Variants in GNB4 observed in about 807,000 individuals in gnomAD.
GNB4 encodes the protein guanine nucleotide-binding protein subunit beta-4.
In GNB4, 28 loss-of-function variants were observed where a neutral mutation model predicts 45.2. That is an observed-to-expected ratio of 0.62 (90% confidence interval 0.46 to 0.85). The LOEUF (loss-of-function observed/expected upper bound fraction) is 0.85. Ranked by LOEUF, GNB4 falls within the 40% of genes least tolerant of loss-of-function variation. GNB4 has a pLI of 0.00. For missense variants in GNB4, 321 were observed against 425.4 expected (o/e 0.75, Z 2.16); for synonymous variants, 132 against 143.7 (o/e 0.92, Z 0.58).
chr3:179,439,853 C>T (rs1715553475), intron 1 of GNB4, among the ~76,000 whole-genome samples: 1 of 152,236 alleles, frequency 6.6e-6, no homozygotes, highest in Admixed American at 6.5e-5. Context: ...GCCTCCCAGG[C>T]ACATATCCTT....
At chr3:179,411,239 A>C (rs1426901547) in intron 8 of GNB4, among the ~76,000 whole-genome samples, 1 of 152,156 alleles carries the variant, frequency 6.6e-6, no homozygotes, top group Admixed American at 6.5e-5. Context: ...AAATGAAACT[A>C]TTATAGTTTC....
chr3:179,408,271 G>T (rs927448215), intron 8 of GNB4, among the ~76,000 whole-genome samples: 2 of 151,992 alleles, frequency 1.3e-5, no homozygotes, highest in Admixed American at 1.3e-4. Flanking sequence ...GGACAACAAC[G>T]TCTGGGATGA....
Position 179,402,323 on chromosome 3 carries a change from A to C in GNB4, c.917-1004T>G, listed in dbSNP as rs150671913. Among the ~76,000 whole-genome samples the C allele has an allele frequency of 2.6e-5, 4 of 152,230 alleles. No homozygotes were observed. In the East Asian group the frequency reaches 7.7e-4, roughly 29 times the overall value. On this transcript the variant is annotated intron_variant, in intron 9 of 9. Coordinates refer to ENST00000232564, the MANE Select transcript of GNB4 (RefSeq NM_021629.4). The stretch of plus-strand genomic sequence containing the variant: ...CAAAGCAAAACTAAACCTCAAGCAT[A>C]TAAGTGTGGACAACAAGCACATTTT...
the GNB4 span, among the ~76,000 whole-genome samples, chr3:179,465,624 CT>C: frequency 1.3e-5 from 2 of 151,826 alleles, no homozygotes; most frequent in African/African-American, 2.4e-5. Flanking sequence ...GATTAAAGGT[CT>C]TTTTTTCTTT....
chr3:179,474,160 C>T, the GNB4 span, among the ~76,000 whole-genome samples: 1 of 152,060 alleles, frequency 6.6e-6, no homozygotes, highest in Non-Finnish European at 1.5e-5. Context: ...CTGTACTCCA[C>T]CCTAGGCGAC....
intron 8 of GNB4, chr3:179,410,266 G>A (rs1419010031): frequency 6.6e-6 from 1 of 152,198 alleles, no homozygotes; most frequent in South Asian, 2.1e-4. Context: ...AAAGATGAGA[G>A]TGAAAGATCA....
At chr3:179,412,311 T>TAAAA (rs1245304478) in intron 8 of GNB4, among the ~76,000 whole-genome samples, 2 of 77,162 alleles carry the variant, frequency 2.6e-5, no homozygotes, top group South Asian at 4.7e-4. Context: ...TACCAAAGAT[T>TAAAA]AAAAAAAACA....
the GNB4 span, among the ~76,000 whole-genome samples, chr3:179,467,660 T>C: frequency 2.0e-5 from 3 of 152,130 alleles, no homozygotes; most frequent in Non-Finnish European, 4.4e-5. Flanking sequence ...AGAAAGTAAG[T>C]GTCAGATGCA....
At chr3:179,491,203 T>G in the GNB4 span, among the ~76,000 whole-genome samples, 10 of 152,236 alleles carry the variant, frequency 6.6e-5, no homozygotes, top group African/African-American at 2.4e-5. Flanking sequence ...AAAAGGTTCC[T>G]GTGCTCAAAG....
the GNB4 span, among the ~76,000 whole-genome samples, chr3:179,508,438 G>A: frequency 6.6e-5 from 10 of 152,164 alleles, no homozygotes; most frequent in Non-Finnish European, 1.2e-4. Context: ...CCTCGCAAGC[G>A]CTGTACAAGA....
At chr3:179,443,128 A>T (rs1715634694) in intron 1 of GNB4, among the ~76,000 whole-genome samples, 1 of 152,246 alleles carries the variant, frequency 6.6e-6, no homozygotes, top group Non-Finnish European at 1.5e-5. Flanking sequence ...CCTCACAAGC[A>T]TTACCATCTA....
the GNB4 span, among the ~76,000 whole-genome samples, chr3:179,463,412 A>T: frequency 1.3e-5 from 2 of 152,264 alleles, no homozygotes; most frequent in Non-Finnish European, 2.9e-5. Flanking sequence ...AACTAATGTT[A>T]TATTTACTAT....
chr3:179,521,810 A>G, the GNB4 span, among the ~76,000 whole-genome samples: 2 of 152,002 alleles, frequency 1.3e-5, no homozygotes, highest in Admixed American at 1.3e-4. Flanking sequence ...ATTCTTTTTT[A>G]ATTCATACAA....
the GNB4 span, among the ~76,000 whole-genome samples, chr3:179,469,252 C>T: frequency 4.6e-5 from 7 of 152,282 alleles, no homozygotes; most frequent in Admixed American, 4.6e-4. Flanking sequence ...TATGTCATGG[C>T]CATGTCCTTA....
At chr3:179,426,988 C>CA (rs1577034415) in intron 1 of GNB4, among the ~76,000 whole-genome samples, 14 of 151,518 alleles carry the variant, frequency 9.2e-5, no homozygotes, top group South Asian at 4.2e-4. Context: ...ACACACACAC[C>CA]CCCCTCTGAC....
At chr3:179,468,035 A>ATAT in the GNB4 span, among the ~76,000 whole-genome samples, 4 of 89,852 alleles carry the variant, frequency 4.5e-5, no homozygotes, top group Non-Finnish European at 7.1e-5. Flanking sequence ...TGTTGATAAA[A>ATAT]ATATATATAT....
At chr3:179,465,449 A>C in the GNB4 span, 2 of 206,270 alleles carry the variant, frequency 9.7e-6, no homozygotes, top group Non-Finnish European at 1.9e-5. Flanking sequence ...CTAAAAATAC[A>C]AAAAAAAAAA....
the GNB4 span, among the ~76,000 whole-genome samples, chr3:179,483,469 G>C: frequency 6.6e-6 from 1 of 152,068 alleles, no homozygotes; most frequent in African/African-American, 2.4e-5. Context: ...GTGTAATATA[G>C]TTATTATAGC....
At chr3:179,447,309 G>A (rs1256961000) in intron 1 of GNB4, among the ~76,000 whole-genome samples, 2 of 147,406 alleles carry the variant, frequency 1.4e-5, no homozygotes, top group Non-Finnish European at 3.0e-5. Flanking sequence ...CTAGAAGGGT[G>A]TGCCAGAGCC....
Sources: gnomAD v4.1 joint callset for allele counts (sites outside exome capture counted in the v4.1 genomes callset) on GRCh38, gnomAD v4.1.1 for gene constraint, MANE v1.5 for transcripts, NCBI Gene and HGNC (gene_info 2026-07-23, HGNC 2026-07-21) for gene names.